The following PDE8A variants were observed in gnomAD, a reference collection of about 807,000 sequenced individuals.
PDE8A encodes phosphodiesterase 8A.
In PDE8A, 59 loss-of-function variants were observed where a neutral mutation model predicts 105.0. The observed-to-expected ratio is 0.56, with a 90% CI of 0.46 to 0.70. PDE8A has a LOEUF of 0.70. PDE8A is among the 30% of genes least tolerant of loss of function. The pLI, the probability that PDE8A is intolerant of heterozygous loss-of-function variation, is 0.00. For synonymous variants in PDE8A, 355 were observed against 371.9 expected, an observed-to-expected ratio of 0.95 and a Z score of 0.52; for missense variants, 1,014 against 1,045.9, an observed-to-expected ratio of 0.97 and a Z score of 0.42.
intron 18 of PDE8A, among the ~76,000 whole-genome samples, chr15:85,121,629 C>T (rs1025903567): frequency 7.0e-6 from 1 of 142,556 alleles, no homozygotes; most frequent in East Asian, 2.5e-4. Flanking sequence ...GAGACCCTGT[C>T]TCAAAATAAT....
At chr15:85,031,457 G>T (rs1445795095) in intron 1 of PDE8A, among the ~76,000 whole-genome samples, 1 of 152,116 alleles carries the variant, frequency 6.6e-6, no homozygotes, top group Non-Finnish European at 1.5e-5. Flanking sequence ...CTGCTTGCCT[G>T]AGTCCTGCCC....
At chr15:85,073,928 A>C (rs751286053) in intron 3 of PDE8A, among the ~76,000 whole-genome samples, 2 of 152,180 alleles carry the variant, frequency 1.3e-5, no homozygotes, top group African/African-American at 2.4e-5. Context: ...GGGGATTGAC[A>C]CCTGGCCAGT....
At chr15:84,984,484 T>TA (rs2079770157) in intron 1 of PDE8A, among the ~76,000 whole-genome samples, 1 of 152,236 alleles carries the variant, frequency 6.6e-6, no homozygotes, top group Non-Finnish European at 1.5e-5. Flanking sequence ...AGATGCAATT[T>TA]AATTCATTAC....
rs186968062 is a variant in PDE8A, at chr15:85,047,063, T to G, written c.187-17307T>G. Among the ~76,000 whole-genome samples, 145 of 152,356 alleles carry G rather than the reference T, an allele frequency of 9.5e-4. 1 individual carries two copies. Among genetic ancestry groups the G allele is most frequent in the African/African-American group, 3.4e-3 (140 of 41,588 alleles). On this transcript the variant is annotated intron_variant, in intron 1 of 21. Coordinates refer to ENST00000394553, the MANE Select transcript of PDE8A (RefSeq NM_002605.3). Reference sequence around the variant, plus strand: ...GTGTATAATTACTGATATCAGCTATTGAACATACTTTTGTTTCTATATTGC... The same window carrying G: ...GTGTATAATTACTGATATCAGCTATGGAACATACTTTTGTTTCTATATTGC...
intron 1 of PDE8A, among the ~76,000 whole-genome samples, chr15:84,983,008 T>C (rs745314032): frequency 1.2e-3 from 178 of 152,370 alleles, no homozygotes; most frequent in Non-Finnish European, 2.2e-3. Flanking sequence ...AATCTTTTAT[T>C]AAGCCGACTT....
At chr15:85,036,443 TTC>T in intron 1 of PDE8A, among the ~76,000 whole-genome samples, 1 of 152,344 alleles carries the variant, frequency 6.6e-6, no homozygotes, top group Middle Eastern at 3.4e-3. Flanking sequence ...AGCCACTTTA[TTC>T]CTAAAGCCTA....
chr15:85,021,028 A>G lies in PDE8A; in HGVS notation c.186+38680A>G, dbSNP rs74962587. Among the ~76,000 whole-genome samples the G allele has an allele frequency of 8.4e-3, 1,275 of 152,242 alleles. 8 individuals are homozygous for G. The highest frequency in any genetic ancestry group is 0.037 in the Middle Eastern group (11 of 294). On this transcript the variant is annotated intron_variant, in intron 1 of 21. Coordinates refer to ENST00000394553, the MANE Select transcript of PDE8A (RefSeq NM_002605.3). Reference sequence around the variant, plus strand: ...TTGTTGAAACCTAATCACTAATGCAATGGTATTAAGAGGTGGGGCCTTTGG... The same window carrying G: ...TTGTTGAAACCTAATCACTAATGCAGTGGTATTAAGAGGTGGGGCCTTTGG...
intron 1 of PDE8A, among the ~76,000 whole-genome samples, chr15:85,036,540 A>T (rs978654604): frequency 3.3e-5 from 5 of 152,158 alleles, no homozygotes; most frequent in African/African-American, 1.2e-4. Flanking sequence ...GAGCCCACAT[A>T]CACTTTGGCT....
intron 11 of PDE8A, among the ~76,000 whole-genome samples, chr15:85,104,692 G>C (rs1342002606): frequency 1.3e-5 from 2 of 152,144 alleles, no homozygotes; most frequent in Non-Finnish European, 2.9e-5. Context: ...AAATAAGATC[G>C]TAAGAAAGAG....
chr15:85,028,174 A>G (rs1028645014), intron 1 of PDE8A, among the ~76,000 whole-genome samples: 2 of 152,178 alleles, frequency 1.3e-5, no homozygotes, highest in Non-Finnish European at 2.9e-5. Context: ...GGAGATACCT[A>G]TGTAATTTGA....
chr15:84,983,888 T>C (rs533347571), intron 1 of PDE8A, among the ~76,000 whole-genome samples: 1 of 152,346 alleles, frequency 6.6e-6, no homozygotes, highest in South Asian at 2.1e-4. Flanking sequence ...GCCTCCCCAG[T>C]GCAGCAGCAG....
At chr15:85,094,653 C>T (rs939054157) in intron 8 of PDE8A, among the ~76,000 whole-genome samples, 5 of 152,164 alleles carry the variant, frequency 3.3e-5, no homozygotes, top group African/African-American at 1.2e-4. Context: ...GACTTAGATT[C>T]CTGAAATGGT....
At chr15:85,046,967 C>G (rs543683006) in intron 1 of PDE8A, among the ~76,000 whole-genome samples, 1 of 152,192 alleles carries the variant, frequency 6.6e-6, no homozygotes, top group South Asian at 2.1e-4. Flanking sequence ...TGTCTGATAT[C>G]CTAATATTAT....
intron 20 of PDE8A, among the ~76,000 whole-genome samples, chr15:85,131,692 A>C (rs1278099937): frequency 3.3e-5 from 5 of 152,202 alleles, no homozygotes. Flanking sequence ...TGTATTTACC[A>C]TTATCAGAGA....
chr15:84,996,366 A>G (rs1407589325), intron 1 of PDE8A, among the ~76,000 whole-genome samples: 4 of 151,978 alleles, frequency 2.6e-5, no homozygotes, highest in Non-Finnish European at 4.4e-5. Flanking sequence ...TTTAAAAAAG[A>G]GACAAGGTCT....
At chr15:85,073,711 A>T (rs2081344126) in intron 3 of PDE8A, among the ~76,000 whole-genome samples, 1 of 152,244 alleles carries the variant, frequency 6.6e-6, no homozygotes, top group African/African-American at 2.4e-5. Context: ...AGTGATGAAA[A>T]TACCATTTGT....
chr15:85,122,210 A>C (rs2082193466), intron 18 of PDE8A, among the ~76,000 whole-genome samples: 1 of 152,098 alleles, frequency 6.6e-6, no homozygotes, highest in South Asian at 2.1e-4. Context: ...ATTTTTAATG[A>C]TTTGTGTAAT....
At chr15:85,081,643 C>A (rs1046730227) in intron 5 of PDE8A, among the ~76,000 whole-genome samples, 2 of 152,142 alleles carry the variant, frequency 1.3e-5, no homozygotes, top group African/African-American at 4.8e-5. Flanking sequence ...GGACCTGATT[C>A]TTCACCCTCC....
chr15:85,132,838 C>CTG (rs6145662), intron 20 of PDE8A, among the ~76,000 whole-genome samples: 106 of 151,108 alleles, frequency 7.0e-4, no homozygotes, highest in Admixed American at 1.5e-3. Context: ...AGTTCCTGGT[C>CTG]TGTGTGTGTG....
Sources: gnomAD v4.1 joint callset for allele counts (sites outside exome capture counted in the v4.1 genomes callset) on GRCh38, gnomAD v4.1.1 for gene constraint, MANE v1.5 for transcripts, NCBI Gene and HGNC (gene_info 2026-07-23, HGNC 2026-07-21) for gene names.